The following CDK14 variants were observed in gnomAD, a reference collection of about 807,000 sequenced individuals.
CDK14 encodes cyclin-dependent kinase 14.
CDK14 carries 34 observed loss-of-function variants against 60.7 expected under a neutral mutation model. That is an observed-to-expected ratio of 0.56 (90% CI 0.43 to 0.75). The LOEUF is 0.75. Ranked by LOEUF, CDK14 falls within the 30% of genes least tolerant of loss-of-function variation. The pLI is 0.00. For missense variants in CDK14, 482 were observed against 564.1 expected (o/e 0.85, Z 1.47); for synonymous variants, 197 against 203.7 (o/e 0.97, Z 0.28).
At chr7:90,897,356 A>G (rs1392669742) in intron 6 of CDK14, among the ~76,000 whole-genome samples, 1 of 152,066 alleles carries the variant, frequency 6.6e-6, no homozygotes, top group Non-Finnish European at 1.5e-5. Flanking sequence ...GAGATTTTAC[A>G]TTTTTAATAA....
chr7:91,076,886 CAT>C (rs1164887915), intron 11 of CDK14, among the ~76,000 whole-genome samples: 1 of 152,100 alleles, frequency 6.6e-6, no homozygotes, highest in Non-Finnish European at 1.5e-5. Flanking sequence ...AGCCAACAAA[CAT>C]ATGAAAAAAA....
At chr7:90,863,670 ATG>A (rs111580477) in intron 6 of CDK14, among the ~76,000 whole-genome samples, 4,654 of 145,950 alleles carry the variant, frequency 0.032, 93 homozygotes, top group South Asian at 0.044. Context: ...TTATTAAGAT[ATG>A]TGTGTGTGTG....
At chr7:91,045,784 A>T in intron 10 of CDK14, 113 bp from the exon 11 acceptor site, 1 of 599,934 alleles carries the variant, frequency 1.7e-6, no homozygotes. Flanking sequence ...ACGATAATGG[A>T]AAAAAAAATA....
At chr7:90,821,777 C>G (rs1225515362) in intron 5 of CDK14, among the ~76,000 whole-genome samples, 1 of 152,204 alleles carries the variant, frequency 6.6e-6, no homozygotes, top group Admixed American at 6.5e-5. Flanking sequence ...GGGGTCCCAT[C>G]ATTATCTGAC....
chr7:91,173,222 T>C (rs144015313), intron 14 of CDK14, among the ~76,000 whole-genome samples: 344 of 152,274 alleles, frequency 2.3e-3, no homozygotes, highest in African/African-American at 7.9e-3. Flanking sequence ...ACTTATTCTG[T>C]TCTTCCAGGG....
intron 2 of CDK14, among the ~76,000 whole-genome samples, chr7:90,683,629 C>T (rs984934100): frequency 5.3e-5 from 8 of 152,180 alleles, no homozygotes; most frequent in Non-Finnish European, 7.4e-5. Context: ...GGTGAAACCC[C>T]ATCTCTACTA....
At chr7:90,652,356 C>T (rs1460798635) in intron 2 of CDK14, among the ~76,000 whole-genome samples, 1 of 152,192 alleles carries the variant, frequency 6.6e-6, no homozygotes, top group Non-Finnish European at 1.5e-5. Flanking sequence ...AAAATAGCTA[C>T]TGATTTAATT....
intron 2 of CDK14, among the ~76,000 whole-genome samples, chr7:90,717,335 A>G (rs1304363636): frequency 6.6e-6 from 1 of 152,106 alleles, no homozygotes; most frequent in Admixed American, 6.6e-5. Context: ...AAGCTTCTGG[A>G]AAGACTACCT....
chr7:90,644,241 C>T (rs1800411486), intron 2 of CDK14, among the ~76,000 whole-genome samples: 1 of 152,208 alleles, frequency 6.6e-6, no homozygotes, highest in Non-Finnish European at 1.5e-5. Flanking sequence ...TTGTTTAAGT[C>T]AACCAGTCCA....
At chr7:90,741,177 C>T (rs1239498925) in intron 3 of CDK14, among the ~76,000 whole-genome samples, 3 of 152,174 alleles carry the variant, frequency 2.0e-5, no homozygotes, top group African/African-American at 7.2e-5. Flanking sequence ...TACTAATTTT[C>T]CAGCAGTTCC....
At chr7:90,838,789 A>C (rs1790196715) in intron 5 of CDK14, among the ~76,000 whole-genome samples, 1 of 152,142 alleles carries the variant, frequency 6.6e-6, no homozygotes, top group Non-Finnish European at 1.5e-5. Context: ...TTTCCTGTTA[A>C]GATGTTTATC....
chr7:90,767,893 G>C (rs1298632771), intron 4 of CDK14, among the ~76,000 whole-genome samples: 4 of 152,156 alleles, frequency 2.6e-5, no homozygotes, highest in Non-Finnish European at 4.4e-5. Flanking sequence ...TTTCAAAATT[G>C]AGTTGGGGAG....
rs1373969717 is a variant in CDK14, at chr7:90,790,610, C to G, written c.502C>G (p.Leu168Val). Residue 168 changes from leucine to valine, a missense_variant, in exon 5 of 15, where the codon CTG (leucine) becomes GTG (valine). Physicochemically the swap from Leu to Val is conservative, Grantham distance 32 (BLOSUM62 1). Coordinates refer to ENST00000380050, the MANE Select transcript of CDK14 (RefSeq NM_001287135.2). ...GTTGGTAGCTCTGAAGGTGATCAGG[C>G]TGCAGGAAGAAGAAGGGACACCTTT... ...GKLVALKVIR[L>V]QEEEGTPFTA... 6.2e-7 allele frequency: 1 copy of G among 1,612,654 alleles called. No homozygotes were observed. The highest frequency in any genetic ancestry group is 1.3e-5 in the African/African-American group (1 of 74,842).
intron 9 of CDK14, among the ~76,000 whole-genome samples, chr7:90,977,943 C>A (rs1584191736): frequency 6.6e-6 from 1 of 152,252 alleles, no homozygotes; most frequent in East Asian, 1.9e-4. Context: ...CACAATTTAA[C>A]ATTTTTAAGT....
chr7:90,945,444 C>G (rs921438233), intron 8 of CDK14, among the ~76,000 whole-genome samples: 16 of 152,144 alleles, frequency 1.1e-4, no homozygotes, highest in Non-Finnish European at 2.2e-4. Context: ...TATGTGGAAC[C>G]CTTTCAGGCT....
At chr7:90,749,480 G>A (rs569642872) in intron 4 of CDK14, among the ~76,000 whole-genome samples, 1 of 151,754 alleles carries the variant, frequency 6.6e-6, no homozygotes, top group South Asian at 2.1e-4. Context: ...TCAGCATCCT[G>A]AGTCACTCAC....
intron 7 of CDK14, among the ~76,000 whole-genome samples, chr7:90,905,627 A>G (rs1199376835): frequency 1.3e-5 from 2 of 152,150 alleles, no homozygotes; most frequent in Non-Finnish European, 2.9e-5. Context: ...CCAACATTTC[A>G]TAGAAAGTAA....
chr7:90,611,628 G>A (rs1563015410), intron 2 of CDK14, among the ~76,000 whole-genome samples: 1 of 152,130 alleles, frequency 6.6e-6, no homozygotes, highest in Non-Finnish European at 1.5e-5. Context: ...TGGACTTGGA[G>A]TAGTTGTATA....
chr7:90,596,896 G>C (rs1193342548), intron 1 of CDK14, among the ~76,000 whole-genome samples, 178 bp downstream of exon 1: 1 of 152,142 alleles, frequency 6.6e-6, no homozygotes, highest in Non-Finnish European at 1.5e-5. Context: ...AAAGGAAAGA[G>C]ACCCCTCTTC....
Sources: gnomAD v4.1 joint callset for allele counts (sites outside exome capture counted in the v4.1 genomes callset) on GRCh38, gnomAD v4.1.1 for gene constraint, MANE v1.5 for transcripts, NCBI Gene and HGNC (gene_info 2026-07-23, HGNC 2026-07-21) for gene names.